The following ABCD4 variants were observed in gnomAD, a reference collection of about 807,000 sequenced individuals.
The protein encoded by ABCD4 is lysosomal cobalamin transporter ABCD4.
A neutral mutation model predicts 86.3 loss-of-function variants in ABCD4; 53 were observed. The ratio of observed to expected loss-of-function variants is 0.61; its 90% CI spans 0.49 to 0.77. The LOEUF is 0.77. Among genes scored for constraint, ABCD4 ranks in the 30% least tolerant of loss-of-function variants. ABCD4 has a pLI of 0.00. For missense variants in ABCD4, 757 were observed against 764.5 expected (o/e 0.99, Z 0.12); for synonymous variants, 328 against 313.6 (o/e 1.05, Z -0.49).
chr14:74,287,785 G>A (rs762072813), intron 17 of ABCD4, 25 bp downstream of exon 17: 119 of 1,597,266 alleles, frequency 7.5e-5, no homozygotes, highest in Non-Finnish European at 9.8e-5. Flanking sequence ...CGCATGGCAT[G>A]TGCAGCCACA....
rs567059239 is a variant in ABCD4, at chr14:74,290,186, C to T, written c.1328-68G>A. 52 of 1,611,058 alleles carry T rather than the reference C, an allele frequency of 3.2e-5. No homozygotes were observed. In the South Asian group the frequency reaches 5.4e-4, roughly 17 times the overall value. ...GAGGCAACTGCCTGTCTCCTCTCTTCCTTGTTCCCCAACAGAAAAGAATGG... is the reference window on the plus strand; with the variant it reads ...GAGGCAACTGCCTGTCTCCTCTCTTTCTTGTTCCCCAACAGAAAAGAATGG... On this transcript the variant is annotated intron_variant, in intron 12 of 18. Coordinates refer to ENST00000356924, the MANE Select transcript of ABCD4 (RefSeq NM_005050.4).
chr14:74,295,287 C>T (rs1040714058), intron 6 of ABCD4, 89 bp from the exon 7 acceptor site: 47 of 1,494,554 alleles, frequency 3.1e-5, no homozygotes, highest in East Asian at 9.2e-5. Context: ...ACCGCCCAAG[C>T]GGAGCCCGGC....
chr14:74,295,321 T>A (rs1207805323), intron 6 of ABCD4, 123 bp from the exon 7 acceptor site: 1 of 1,115,766 alleles, frequency 9.0e-7, no homozygotes, highest in Non-Finnish European at 1.3e-6. Context: ...CGTGGCTGCC[T>A]CAGTCTGACC....
chr14:74,292,316 G>T lies in ABCD4; in HGVS notation c.1089C>A (p.Ile363=). Residue 363 remains isoleucine (I), a synonymous_variant, in exon 11 of 19, where the codon ATC becomes ATA. Coordinates refer to ENST00000356924, the MANE Select transcript of ABCD4 (RefSeq NM_005050.4). ...CCAAGCCCCACTCGCTCTCGCCCAG[G>T]ATCTCGCAGTCCTGTGACTTCAGGG... The part of the protein sequence containing the change: ...DMSLKSQDCE[I]LGESEWGLDT... 1.2e-6 allele frequency: 2 copies of T among 1,614,076 alleles called. No homozygotes were observed. Among genetic ancestry groups the T allele is most frequent in the Non-Finnish European group, 1.7e-6 (2 of 1,180,038 alleles).
rs2079915483 is a variant in ABCD4, at chr14:74,286,892, C to T, written c.1637-76G>A. ...CGCTGCTTCTCCTCCCACCCATACT[C>T]AACCCCAGCTGGGACCCAGGGGAGG... On this transcript the variant is annotated intron_variant, in intron 17 of 18. Transcript: ENST00000356924. The T allele has an allele frequency of 2.1e-6, 3 of 1,405,110 alleles. No homozygotes were observed. In the African/African-American group the frequency reaches 4.2e-5, roughly 20 times the overall value. 87.0% of individuals were successfully genotyped at this position (1,405,110 alleles called of 1,614,324 possible). A position where few individuals can be genotyped will look rare whatever the true frequency, so the allele number is the denominator to read the frequency against.
In ABCD4 at chr14:74,288,223, G is replaced by A. The variant is rs541615622; in HGVS notation, c.1543C>T (p.Gln515Ter). The A allele has an allele frequency of 6.2e-7, 1 of 1,612,174 alleles. No homozygotes were observed. The highest frequency in any genetic ancestry group is 1.1e-5 in the South Asian group (1 of 90,622). ...LVARTEGLDQ[Q>*]VDWNWYDVLS... ...TTTTCTTACCAGTTCCAGTCCACCT[G>A]CTGGTCCAGGCCCTCTGTCCTTGCC... Residue 515 changes from glutamine (Q) to a stop codon, truncating the protein, a stop_gained, in exon 16 of 19, where the codon CAG (glutamine) becomes TAG (stop). Transcript: ENST00000356924. LOFTEE classifies it high-confidence loss of function.
chr14:74,293,955 T>C (rs2082195716), intron 7 of ABCD4: 1 of 152,212 alleles, frequency 6.6e-6, no homozygotes, highest in South Asian at 2.1e-4. Context: ...TTTCAGATTT[T>C]GCACAGAGGC....
chr14:74,299,410 T>A, intron 3 of ABCD4, 138 bp downstream of exon 3: 1 of 1,078,586 alleles, frequency 9.3e-7, no homozygotes, highest in Non-Finnish European at 1.3e-6. Flanking sequence ...AAGGCAACTA[T>A]CCCTTTAGTT....
In ABCD4 at chr14:74,295,889, C is replaced by G; in HGVS notation, c.633G>C (p.Lys211Asn). ...NKTLMGPIVM[K>N]LVHQEKLEGD... ...CCTCCAGCTTCTCCTGATGCACCAGCTTCATCACAATGGGGCCCATCAAAG... is the reference window on the plus strand; with the variant it reads ...CCTCCAGCTTCTCCTGATGCACCAGGTTCATCACAATGGGGCCCATCAAAG... Residue 211 changes from lysine (K) to asparagine (N), a missense_variant, in exon 6 of 19, where the codon AAG becomes AAC. By Grantham distance (94) the Lys-to-Asn change is moderately conservative. Coordinates refer to ENST00000356924, the MANE Select transcript of ABCD4 (RefSeq NM_005050.4). 6.2e-7 allele frequency: 1 copy of G among 1,613,122 alleles called. No individual in the cohort carries two copies.
intron 17 of ABCD4, 77 bp downstream of exon 17, chr14:74,287,733 G>T: frequency 7.4e-7 from 1 of 1,356,926 alleles, no homozygotes; most frequent in Non-Finnish European, 1.0e-6. Context: ...GTGTGCCTGG[G>T]TGCCTGTGAA....
intron 1 of ABCD4, among the ~76,000 whole-genome samples, chr14:74,300,990 T>C (rs56197886): frequency 2.6e-5 from 4 of 151,148 alleles, no homozygotes; most frequent in Non-Finnish European, 5.9e-5. Flanking sequence ...CAAGCTGCAA[T>C]TACAGGTGCA....
At chr14:74,297,252 T>C (rs2083105848) in intron 4 of ABCD4, 1 of 152,244 alleles carries the variant, frequency 6.6e-6, no homozygotes, top group African/African-American at 2.4e-5. Flanking sequence ...TACATGTGCA[T>C]TACATGAATG....
chr14:74,301,721 AC>A lies in ABCD4; in HGVS notation c.38+1153del, dbSNP rs199972376. On this transcript the variant is annotated intron_variant, in intron 1 of 18. Coordinates refer to ENST00000356924, the MANE Select transcript of ABCD4 (RefSeq NM_005050.4). ...CAGGAGTTCAAGACCAGACTGGCCAACCCCCCCATCTTTGCTAAAAATACAA... is the reference window on the plus strand; with the variant it reads ...CAGGAGTTCAAGACCAGACTGGCCAACCCCCCATCTTTGCTAAAAATACAA... 8.2e-3 allele frequency among the ~76,000 whole-genome samples: 1,225 copies of A among 150,202 alleles called. 9 individuals carry two copies. The highest frequency in any genetic ancestry group is 0.028 in the African/African-American group (1,159 of 40,802).
rs747033918 is a variant in ABCD4, at chr14:74,297,930, G to A, written c.425C>T (p.Pro142Leu). Residue 142 changes from proline (P) to leucine (L), a missense_variant and splice_region_variant, in exon 4 of 19, where the codon CCG becomes CTG. Physicochemically the swap from Pro to Leu is moderately conservative, Grantham distance 98. Coordinates refer to ENST00000356924, the MANE Select transcript of ABCD4 (RefSeq NM_005050.4). ...GAAAGGACTGAGTTGGGGCGCCTACGGGTTATCGATGTCATCCCGCAGCAC... is the reference window on the plus strand; with the variant it reads ...GAAAGGACTGAGTTGGGGCGCCTACAGGTTATCGATGTCATCCCGCAGCAC... ...LNVLRDDIDN[P>L]DQRISQDVER... 5.0e-6 allele frequency: 8 copies of A among 1,612,700 alleles called. No individual in the cohort carries two copies. Among genetic ancestry groups the A allele is most frequent in the South Asian group, 2.2e-5 (2 of 90,978 alleles).
intron 8 of ABCD4, 56 bp downstream of exon 8, chr14:74,293,098 G>C: frequency 6.4e-7 from 1 of 1,560,352 alleles, no homozygotes; most frequent in Non-Finnish European, 8.8e-7. Context: ...GGTGTGGGAA[G>C]GGAAGCAGAC....
At position 74,290,291 on chromosome 14, in the gene ABCD4, C is replaced by A; in HGVS notation, c.1327G>T (p.Gly443Cys). The A allele has an allele frequency of 6.2e-7, 1 of 1,614,180 alleles. No individual in the cohort carries two copies. Among genetic ancestry groups the A allele is most frequent in the Non-Finnish European group, 8.5e-7 (1 of 1,180,030 alleles). Residue 443 changes from glycine to cysteine, a missense_variant and splice_region_variant, in exon 12 of 19, where the codon GGC (glycine) becomes TGC (cysteine). Transcript: ENST00000356924. ...GAGGCAGGGAGGGCCTGGCTCTCAC[C>A]CCGTGTACTCGTCCAGAGGCCACCC... ...VLGGLWTSTR[G>C]SVQMLTDFGP...
chr14:74,297,221 C>T (rs1372711045), intron 4 of ABCD4: 1 of 152,282 alleles, frequency 6.6e-6, no homozygotes, highest in East Asian at 1.9e-4. Flanking sequence ...CACTGAAACA[C>T]TTGCTATGTG....
chr14:74,299,346 A>G (rs111294849), intron 3 of ABCD4: 3 of 576,740 alleles, frequency 5.2e-6, no homozygotes, highest in African/African-American at 3.8e-5. Flanking sequence ...AGGAGTGGAA[A>G]CATCTGAGGA....
chr14:74,288,092 C>T, intron 16 of ABCD4, 115 bp downstream of exon 16: 3 of 1,274,672 alleles, frequency 2.4e-6, no homozygotes, highest in Non-Finnish European at 3.3e-6. Context: ...ACCCGACTGA[C>T]CAGCCAAACA....
Sources: gnomAD v4.1 joint callset for allele counts (sites outside exome capture counted in the v4.1 genomes callset) on GRCh38, gnomAD v4.1.1 for gene constraint, MANE v1.5 for transcripts, NCBI Gene and HGNC (gene_info 2026-07-23, HGNC 2026-07-21) for gene names.